The following PRKACB variants were observed in gnomAD, a reference collection of about 807,000 sequenced individuals.
The protein encoded by PRKACB is cAMP-dependent protein kinase catalytic subunit beta.
In PRKACB, 16 loss-of-function variants were observed where a neutral mutation model predicts 51.4. That is an observed-to-expected ratio of 0.31 (90% CI 0.21 to 0.47). The LOEUF is 0.47. PRKACB is among the 20% of genes least tolerant of loss of function. The pLI, the probability that PRKACB is intolerant of heterozygous loss-of-function variation, is 1.00. For synonymous variants in PRKACB, 147 were observed against 154.4 expected (o/e 0.95, Z 0.35); for missense variants, 309 against 464.5 (o/e 0.67, Z 3.08).
intron 1 of PRKACB, among the ~76,000 whole-genome samples, chr1:84,104,961 G>A (rs1649617882): frequency 6.6e-6 from 1 of 152,088 alleles, no homozygotes; most frequent in Non-Finnish European, 1.5e-5. Flanking sequence ...TTATATAATT[G>A]GAGATAAAGC....
At chr1:84,105,174 AT>A (rs1219288597) in intron 1 of PRKACB, among the ~76,000 whole-genome samples, 1 of 152,214 alleles carries the variant, frequency 6.6e-6, no homozygotes, top group African/African-American at 2.4e-5. Context: ...AGACATTAAA[AT>A]TTTTTTTCAA....
intron 3 of PRKACB, 143 bp from the exon 4 acceptor site, chr1:84,183,894 G>C: frequency 1.2e-6 from 1 of 840,454 alleles, no homozygotes; most frequent in Non-Finnish European, 1.7e-6. Flanking sequence ...CAACCTAAAA[G>C]TTGGTAATTG....
chr1:84,117,471 A>G (rs1483559546), intron 1 of PRKACB, among the ~76,000 whole-genome samples: 1 of 151,960 alleles, frequency 6.6e-6, no homozygotes, highest in Admixed American at 6.6e-5. Context: ...TACTGATTCA[A>G]TCTCTCTGCT....
chr1:84,198,482 C>G (rs1353433347), intron 7 of PRKACB, among the ~76,000 whole-genome samples: 3 of 151,872 alleles, frequency 2.0e-5, no homozygotes, highest in African/African-American at 7.3e-5. Context: ...TTCACTGGTT[C>G]CCAAATGGAA....
intron 9 of PRKACB, among the ~76,000 whole-genome samples, chr1:84,232,797 T>G (rs995653963): frequency 4.3e-4 from 66 of 152,182 alleles, no homozygotes; most frequent in Non-Finnish European, 7.3e-4. Flanking sequence ...ATTTTGAGCC[T>G]ATGTGTGTCT....
At chr1:84,194,103 A>G (rs890590492) in intron 5 of PRKACB, among the ~76,000 whole-genome samples, 1 of 152,044 alleles carries the variant, frequency 6.6e-6, no homozygotes, top group Non-Finnish European at 1.5e-5. Flanking sequence ...TTCCTCTCCT[A>G]TCGTCCTCTC....
intron 5 of PRKACB, among the ~76,000 whole-genome samples, chr1:84,191,551 A>G (rs1666790705): frequency 6.6e-6 from 1 of 152,186 alleles, no homozygotes; most frequent in Admixed American, 6.6e-5. Flanking sequence ...GCTGGAGGTC[A>G]TTATCCTAAG....
chr1:84,094,212 A>C (rs370996672), intron 1 of PRKACB, among the ~76,000 whole-genome samples: 1 of 152,040 alleles, frequency 6.6e-6, no homozygotes, highest in South Asian at 2.1e-4. Flanking sequence ...CCAGGCAGAA[A>C]ATTTTTAAGA....
intron 5 of PRKACB, among the ~76,000 whole-genome samples, chr1:84,188,446 A>C (rs752805014): frequency 3.3e-5 from 5 of 151,852 alleles, no homozygotes; most frequent in Non-Finnish European, 5.9e-5. Flanking sequence ...AATTTTGAGA[A>C]TTCAAAATAT....
intron 1 of PRKACB, among the ~76,000 whole-genome samples, chr1:84,107,483 G>A (rs919139421): frequency 6.6e-6 from 1 of 152,060 alleles, no homozygotes; most frequent in Admixed American, 6.6e-5. Flanking sequence ...AAAGTTGACA[G>A]ATGGGACCTG....
chr1:84,086,014 G>A, intron 1 of PRKACB: 1 of 803,640 alleles, frequency 1.2e-6, no homozygotes, highest in Non-Finnish European at 2.2e-6. Context: ...GACCCTGCAA[G>A]ATCCTGGGGC....
chr1:84,088,187 A>T (rs770573748), intron 1 of PRKACB, among the ~76,000 whole-genome samples: 10 of 152,328 alleles, frequency 6.6e-5, no homozygotes, highest in Non-Finnish European at 5.9e-5. Flanking sequence ...ATCTGGCCTG[A>T]TGTAACAAGG....
At chr1:84,210,170 T>G (rs1671919630) in intron 8 of PRKACB, among the ~76,000 whole-genome samples, 1 of 152,170 alleles carries the variant, frequency 6.6e-6, no homozygotes, top group Admixed American at 6.5e-5. Flanking sequence ...GGAATTAGAT[T>G]TATTCTCAAG....
chr1:84,153,062 G>T (rs180692399), intron 1 of PRKACB, among the ~76,000 whole-genome samples: 96 of 152,120 alleles, frequency 6.3e-4, no homozygotes, highest in African/African-American at 2.2e-3. Flanking sequence ...CGTAATTTCA[G>T]TATTGCTGTG....
intron 1 of PRKACB, among the ~76,000 whole-genome samples, chr1:84,102,632 T>TGTTGATTGAAAGG (rs1553159856): frequency 2.6e-5 from 4 of 152,114 alleles, no homozygotes; most frequent in Admixed American, 2.6e-4. Flanking sequence ...ATTGTATTAA[T>TGTTGATTGAAAGG]GTTGATTGAA....
intron 1 of PRKACB, among the ~76,000 whole-genome samples, chr1:84,110,796 A>G (rs1342031645): frequency 7.2e-5 from 11 of 152,042 alleles, no homozygotes; most frequent in Admixed American, 7.2e-4. Context: ...TGAACCCTGC[A>G]AAGTCAAATT....
intron 9 of PRKACB, among the ~76,000 whole-genome samples, chr1:84,220,085 C>G (rs1312257642): frequency 6.6e-6 from 1 of 151,932 alleles, no homozygotes; most frequent in Non-Finnish European, 1.5e-5. Context: ...ATGACCATGA[C>G]CATGGGATGT....
intron 5 of PRKACB, among the ~76,000 whole-genome samples, chr1:84,188,315 A>G (rs555476479): frequency 2.0e-5 from 3 of 151,970 alleles, no homozygotes; most frequent in African/African-American, 7.2e-5. Flanking sequence ...GTATTTTCAT[A>G]TACTCATCTT....
rs1403686608 is a variant in PRKACB, at chr1:84,233,572, T to G, written c.1072-1608T>G. ...ACACCAATCAGACGTAGATTTGGTC[T>G]TTTCACATAGTCCCATATTTCTTGG... On this transcript the variant is annotated intron_variant, in intron 9 of 9. Coordinates refer to ENST00000370685, the MANE Select transcript of PRKACB (RefSeq NM_182948.4). Among the ~76,000 whole-genome samples, 3 of 112,546 alleles carry G rather than the reference T, an allele frequency of 2.7e-5. No individual in the cohort carries two copies. The Admixed American group carries it at 3.0e-4, about 11-fold the overall frequency. The allele number at this position is 112,546 out of a possible 152,430, so 73.8% of individuals were successfully genotyped here.
Sources: allele counts gnomAD v4.1 joint callset (sites outside exome capture counted in the v4.1 genomes callset), GRCh38; gene constraint gnomAD v4.1.1; transcripts MANE v1.5; gene names NCBI Gene and HGNC (gene_info 2026-07-23, HGNC 2026-07-21).